The following GRIP1 variants were observed in gnomAD, a reference collection of about 807,000 sequenced individuals.
GRIP1 encodes the protein glutamate receptor interacting protein 1.
Under a neutral mutation model 129.9 loss-of-function variants are expected in GRIP1, and 45 were observed. The ratio of observed to expected loss-of-function variants is 0.35; its 90% CI spans 0.27 to 0.44. GRIP1 has a LOEUF of 0.44. GRIP1 is among the 20% of genes least tolerant of loss of function. The pLI is 1.00. For missense variants in GRIP1, 1,196 were observed against 1,396.8 expected, an observed-to-expected ratio of 0.86 and a Z score of 2.29; for synonymous variants, 530 against 520.8, an observed-to-expected ratio of 1.02 and a Z score of -0.24.
At chr12:66,681,736 T>A (rs1486734074), upstream of GRIP1, among the ~76,000 whole-genome samples, 5 of 151,950 alleles carry the variant, frequency 3.3e-5, no homozygotes, top group Non-Finnish European at 4.4e-5. Flanking sequence ...TGAAGAAGAG[T>A]GAGTGAGCTA....
intron 1 of GRIP1, among the ~76,000 whole-genome samples, chr12:66,654,796 T>C (rs1022314684): frequency 2.6e-5 from 4 of 151,996 alleles, no homozygotes; most frequent in African/African-American, 9.7e-5. Flanking sequence ...GTTTTAAAGG[T>C]AGAATTCATA....
chr12:66,938,684 C>T (rs2041528201), intron 1 of GRIP1, among the ~76,000 whole-genome samples: 1 of 152,074 alleles, frequency 6.6e-6, no homozygotes, highest in Non-Finnish European at 1.5e-5. Context: ...TCAGGCCAGG[C>T]ATAGTGGCTC....
chr12:66,539,804 A>G (rs2061720574), intron 3 of GRIP1, among the ~76,000 whole-genome samples: 1 of 152,124 alleles, frequency 6.6e-6, no homozygotes, highest in Non-Finnish European at 1.5e-5. Context: ...GAGAAATCAC[A>G]ATGCAAATAT....
intron 2 of GRIP1, among the ~76,000 whole-genome samples, chr12:66,569,762 G>A (rs765332782): frequency 1.3e-5 from 2 of 152,150 alleles, no homozygotes; most frequent in African/African-American, 2.4e-5. Context: ...GGCTGCTTCC[G>A]AGCACCCCTT....
intron 1 of GRIP1, among the ~76,000 whole-genome samples, chr12:66,907,050 C>A (rs889336826): frequency 6.6e-6 from 1 of 152,180 alleles, no homozygotes; most frequent in African/African-American, 2.4e-5. Context: ...TTCCAGGATT[C>A]ACTCCAGGAT....
intron 1 of GRIP1, among the ~76,000 whole-genome samples, chr12:67,049,374 T>G (rs978936725): frequency 6.6e-6 from 1 of 152,130 alleles, no homozygotes; most frequent in African/African-American, 2.4e-5. Context: ...TGGAATACTA[T>G]GCAGCCATAA....
At chr12:66,910,932 C>T (rs2041018962) in intron 1 of GRIP1, among the ~76,000 whole-genome samples, 1 of 152,172 alleles carries the variant, frequency 6.6e-6, no homozygotes, top group Non-Finnish European at 1.5e-5. Context: ...GGTTCTACAA[C>T]ATGAAGAAAA....
chr12:66,964,044 G>A (rs759843950), intron 1 of GRIP1, among the ~76,000 whole-genome samples: 1 of 152,046 alleles, frequency 6.6e-6, no homozygotes, highest in Non-Finnish European at 1.5e-5. Context: ...TCACCCGTTA[G>A]CTGAGTCTTC....
intron 11 of GRIP1, among the ~76,000 whole-genome samples, chr12:66,448,621 A>G (rs1008476226): frequency 4.6e-5 from 7 of 151,826 alleles, no homozygotes; most frequent in African/African-American, 1.7e-4. Context: ...TTCCCTACTC[A>G]ATGGATATCC....
upstream of GRIP1, among the ~76,000 whole-genome samples, chr12:66,804,535 CA>C (rs1267105145): frequency 6.6e-6 from 1 of 151,786 alleles, no homozygotes; most frequent in African/African-American, 2.4e-5. Flanking sequence ...AGCTTCAAAA[CA>C]AAGTTCAAGA....
At chr12:66,532,605 C>A (rs1361075591) in intron 4 of GRIP1, among the ~76,000 whole-genome samples, 5 of 152,148 alleles carry the variant, frequency 3.3e-5, no homozygotes, top group African/African-American at 9.7e-5. Flanking sequence ...TTAACAGACA[C>A]AAGCAGAGGC....
chr12:66,903,624 T>A (rs114253125), intron 1 of GRIP1, among the ~76,000 whole-genome samples: 2 of 152,130 alleles, frequency 1.3e-5, no homozygotes, highest in Non-Finnish European at 2.9e-5. Flanking sequence ...ACCACAGATA[T>A]CAAGTAATCA....
intron 1 of GRIP1, among the ~76,000 whole-genome samples, chr12:66,658,731 C>T (rs1328909026): frequency 6.6e-6 from 1 of 151,926 alleles, no homozygotes; most frequent in African/African-American, 2.4e-5. Flanking sequence ...ACAGGGAGAT[C>T]CTGTCTCTAA....
intron 1 of GRIP1, among the ~76,000 whole-genome samples, chr12:67,014,837 C>T (rs868286799): frequency 2.4e-4 from 37 of 152,092 alleles, no homozygotes; most frequent in Admixed American, 1.4e-3. Context: ...CTGCTGACAT[C>T]GATTTCAGAA....
In GRIP1 at chr12:66,454,158, T is replaced by C. The variant is rs114128650; in HGVS notation, c.1354+1251A>G. On this transcript the variant is annotated intron_variant, in intron 11 of 24. Transcript: ENST00000359742. Reference sequence around the variant, plus strand: ...GGGAAAGCTTCAGTTTCCTGTATCATGAAGAAACTAGCTCCCAGTGTGGGT... The same window carrying C: ...GGGAAAGCTTCAGTTTCCTGTATCACGAAGAAACTAGCTCCCAGTGTGGGT... Among the ~76,000 whole-genome samples the C allele has an allele frequency of 3.8e-3, 581 of 151,962 alleles. 5 individuals carry two copies. The highest frequency in any genetic ancestry group is 0.013 in the African/African-American group (543 of 41,426).
At chr12:66,927,663 T>C (rs918074481) in intron 1 of GRIP1, among the ~76,000 whole-genome samples, 5 of 152,210 alleles carry the variant, frequency 3.3e-5, no homozygotes, top group African/African-American at 9.6e-5. Flanking sequence ...GTTGTTTCTA[T>C]AGACTTAACA....
At chr12:66,746,720 A>G (rs1014086445) in intron 1 of GRIP1, among the ~76,000 whole-genome samples, 2 of 152,220 alleles carry the variant, frequency 1.3e-5, no homozygotes, top group East Asian at 3.8e-4. Flanking sequence ...AAAGAATATG[A>G]TTATCTCATT....
chr12:66,392,336 A>C lies in GRIP1; in HGVS notation c.2436T>G (p.Ser812=), dbSNP rs1488454270. The C allele has an allele frequency of 6.2e-7, 1 of 1,612,256 alleles. No individual in the cohort carries two copies. The highest frequency in any genetic ancestry group is 1.3e-5 in the African/African-American group (1 of 75,018). ...VDSAVDSWDG[S]AIDTSYGTQG... ...GAGTTCCATAGCTGGTGTCTATTGC[A>C]GACCCATCCCATGAATCCACAGCAC... Residue 812 remains serine, a synonymous_variant, in exon 19 of 25, where the codon TCT becomes TCG. Transcript: ENST00000359742.
At chr12:66,732,716 A>T (rs1190619961) in intron 1 of GRIP1, among the ~76,000 whole-genome samples, 2 of 152,166 alleles carry the variant, frequency 1.3e-5, no homozygotes, top group African/African-American at 4.8e-5. Context: ...ATATGTATCA[A>T]CTGACTATTG....
Sources: gnomAD v4.1 joint callset for allele counts (sites outside exome capture counted in the v4.1 genomes callset) on GRCh38, gnomAD v4.1.1 for gene constraint, MANE v1.5 for transcripts, NCBI Gene and HGNC (gene_info 2026-07-23, HGNC 2026-07-21) for gene names.